The following DNAH3 variants were observed in gnomAD, a reference collection of about 807,000 sequenced individuals.
DNAH3 encodes the protein axonemal beta dynein heavy chain 3.
In DNAH3, 332 loss-of-function variants were observed where a neutral mutation model predicts 432.5. The observed-to-expected ratio is 0.77, with a 90% CI of 0.70 to 0.84. DNAH3 has a LOEUF of 0.84. DNAH3 is among the 40% of genes least tolerant of loss of function. The pLI is 0.00. For synonymous variants in DNAH3, 1,956 were observed against 1,900.2 expected, an observed-to-expected ratio of 1.03 and a Z score of -0.76; for missense variants, 4,861 against 5,114.0, an observed-to-expected ratio of 0.95 and a Z score of 1.51.
At chr16:21,005,156 CTTTT>C (rs1418216720) in intron 41 of DNAH3, among the ~76,000 whole-genome samples, 6 of 144,492 alleles carry the variant, frequency 4.2e-5, no homozygotes, top group South Asian at 2.2e-4. Context: ...TCGTCTCTTT[CTTTT>C]CTTTCTTTCT....
chr16:20,936,257 A>C (rs1596852379), intron 60 of DNAH3, among the ~76,000 whole-genome samples: 1 of 151,386 alleles, frequency 6.6e-6, no homozygotes, highest in Non-Finnish European at 1.5e-5. Context: ...GGTTCAAGCC[A>C]TTTTCCTGCC....
chr16:20,976,791 G>T (rs976574339), intron 50 of DNAH3, among the ~76,000 whole-genome samples: 3 of 152,164 alleles, frequency 2.0e-5, no homozygotes, highest in Admixed American at 1.3e-4. Flanking sequence ...ACTGTGTGAG[G>T]ACACAGCAAA....
At chr16:21,146,895 G>A (rs761041255) in intron 1 of DNAH3, among the ~76,000 whole-genome samples, 1 of 151,730 alleles carries the variant, frequency 6.6e-6, no homozygotes, top group Non-Finnish European at 1.5e-5. Context: ...CAAGTAGCTG[G>A]GATTACAGGT....
chr16:21,019,761 G>C, exon 41 of DNAH3: 1 of 1,614,154 alleles, frequency 6.2e-7, no homozygotes, highest in Non-Finnish European at 8.5e-7. Flanking sequence ...GCCAGCCACG[G>C]TCCACACCAA....
At chr16:21,117,243 T>A in exon 12 of DNAH3, 1 of 1,610,590 alleles carries the variant, frequency 6.2e-7, no homozygotes, top group Non-Finnish European at 8.5e-7. Flanking sequence ...ACCTTGAAAG[T>A]TTGAATCAAA....
At chr16:21,019,778 G>C (rs1454162978) in exon 41 of DNAH3, 9 of 1,614,156 alleles carry the variant, frequency 5.6e-6, no homozygotes, top group African/African-American at 1.3e-5. Context: ...CCAAGGAAAA[G>C]AGAAACAGTC....
intron 31 of DNAH3, among the ~76,000 whole-genome samples, chr16:21,047,286 C>T (rs1370543860): frequency 2.9e-4 from 43 of 147,686 alleles, no homozygotes; most frequent in African/African-American, 7.8e-4. Flanking sequence ...AACTTGGTTC[C>T]ATTCTCCCCA....
chr16:21,126,251 C>T (rs1050768935), intron 8 of DNAH3, among the ~76,000 whole-genome samples: 28 of 152,152 alleles, frequency 1.8e-4, no homozygotes, highest in African/African-American at 5.5e-4. Flanking sequence ...TTTCTAATTC[C>T]CAGTGGAAAC....
At position 21,065,453 on chromosome 16, in the gene DNAH3, G is replaced by A. The variant is rs1395828053; in HGVS notation, c.3518+1830C>T. ...TAGGATTACAGGCAGGAGCCACCACGCCTGGTCTATTATTCATATTTTAAT... is the reference window on the plus strand; with the variant it reads ...TAGGATTACAGGCAGGAGCCACCACACCTGGTCTATTATTCATATTTTAAT... On this transcript the variant is annotated intron_variant, in intron 24 of 61. Coordinates refer to ENST00000261383, the Ensembl canonical transcript of DNAH3. Among the ~76,000 whole-genome samples, 5 of 152,070 alleles carry A rather than the reference G, an allele frequency of 3.3e-5. 1 individual carries two copies. The highest frequency in any genetic ancestry group is 9.7e-5 in the African/African-American group (4 of 41,394).
chr16:21,093,064 A>T (rs2091584155), intron 18 of DNAH3, among the ~76,000 whole-genome samples: 1 of 152,120 alleles, frequency 6.6e-6, no homozygotes, highest in Admixed American at 6.6e-5. Flanking sequence ...CAATAACAAC[A>T]ACAATAGCCA....
chr16:21,034,426 C>T (rs2089058916), intron 35 of DNAH3, among the ~76,000 whole-genome samples: 1 of 152,210 alleles, frequency 6.6e-6, no homozygotes, highest in African/African-American at 2.4e-5. Flanking sequence ...AGGTTAAATA[C>T]TTGCCCAAGT....
chr16:21,097,611 T>C (rs1320094090), intron 17 of DNAH3, 112 bp from the exon 18 acceptor site: 1 of 1,299,766 alleles, frequency 7.7e-7, no homozygotes, highest in Admixed American at 1.8e-5. Context: ...GAAATGCTTA[T>C]TCATCTGGAG....
chr16:21,047,104 T>C (rs1354180126), intron 31 of DNAH3, among the ~76,000 whole-genome samples: 2 of 151,682 alleles, frequency 1.3e-5, no homozygotes, highest in Admixed American at 6.6e-5. Context: ...TGGCTGCCCT[T>C]AACATTTTTT....
intron 3 of DNAH3, among the ~76,000 whole-genome samples, chr16:21,143,572 A>C (rs1218535641): frequency 6.6e-6 from 1 of 152,198 alleles, no homozygotes; most frequent in Non-Finnish European, 1.5e-5. Flanking sequence ...CCCAAAAGGA[A>C]CTAAGATGAT....
intron 19 of DNAH3, among the ~76,000 whole-genome samples, chr16:21,086,037 C>T (rs2091360004): frequency 6.6e-6 from 1 of 152,252 alleles, no homozygotes; most frequent in African/African-American, 2.4e-5. Flanking sequence ...GGATTATGGT[C>T]TTGAGCCACC....
At chr16:21,138,469 G>C (rs960422464) in intron 5 of DNAH3, among the ~76,000 whole-genome samples, 1 of 152,102 alleles carries the variant, frequency 6.6e-6, no homozygotes, top group Non-Finnish European at 1.5e-5. Flanking sequence ...AGGACCCCAG[G>C]TGACCCTTAT....
At chr16:20,994,998 G>A (rs768616572) in intron 44 of DNAH3, among the ~76,000 whole-genome samples, 2 of 151,706 alleles carry the variant, frequency 1.3e-5, no homozygotes, top group Non-Finnish European at 2.9e-5. Flanking sequence ...ATTGTGGTGC[G>A]ATCTTGGCTC....
chr16:20,975,296 T>C (rs1597019267), exon 51 of DNAH3: 1 of 1,614,154 alleles, frequency 6.2e-7, no homozygotes, highest in Non-Finnish European at 8.5e-7. Flanking sequence ...GCACCAGAAG[T>C]TTCTTTCCAT....
Position 20,948,386 on chromosome 16 carries a change from AC to A in DNAH3, c.11343+96del, listed in dbSNP as rs2084150023. 3.9e-6 allele frequency: 5 copies of A among 1,288,094 alleles called. No individual in the cohort carries two copies. In the South Asian group the frequency reaches 7.4e-5, roughly 19 times the overall value. 79.8% of individuals were successfully genotyped at this position (1,288,094 alleles called of 1,614,324 possible). The stretch of plus-strand genomic sequence containing the variant: ...GATTCAATTCAGGAAGCCCAAGGTC[AC>A]CCCTGGGATCCCTGGCTACACTGCA... On this transcript the variant is annotated intron_variant, in intron 57 of 61. Transcript: ENST00000261383.
Sources: gnomAD v4.1 joint callset for allele counts (sites outside exome capture counted in the v4.1 genomes callset) on GRCh38, gnomAD v4.1.1 for gene constraint, MANE v1.5 for transcripts, NCBI Gene and HGNC (gene_info 2026-07-23, HGNC 2026-07-21) for gene names.